The following IMMP2L variants were observed in gnomAD, a reference collection of about 807,000 sequenced individuals.
IMMP2L encodes mitochondrial inner membrane protease subunit 2.
In IMMP2L, 18 loss-of-function variants were observed where a neutral mutation model predicts 19.3. The ratio of observed to expected loss-of-function variants is 0.93; its 90% CI spans 0.64 to 1.38. The LOEUF (loss-of-function observed/expected upper bound fraction) is 1.38. IMMP2L is among the 40% of genes most tolerant of loss of function. The pLI, the probability that IMMP2L is intolerant of heterozygous loss-of-function variation, is 0.00. For missense variants in IMMP2L, 233 were observed against 218.2 expected (o/e 1.07, Z -0.43); for synonymous variants, 76 against 73.0 (o/e 1.04, Z -0.21).
At chr7:111,276,871 G>T (rs1032062424) in intron 3 of IMMP2L, among the ~76,000 whole-genome samples, 1 of 152,026 alleles carries the variant, frequency 6.6e-6, no homozygotes, top group African/African-American at 2.4e-5. Context: ...TGGGGAAAAT[G>T]CCACCTTATT....
intron 3 of IMMP2L, among the ~76,000 whole-genome samples, chr7:111,169,019 C>T (rs907269130): frequency 3.3e-5 from 5 of 151,500 alleles, no homozygotes; most frequent in African/African-American, 1.2e-4. Flanking sequence ...TTAAGGGGCC[C>T]TTACCCGATT....
chr7:110,769,342 C>T (rs1359620471), intron 5 of IMMP2L, among the ~76,000 whole-genome samples: 2 of 152,170 alleles, frequency 1.3e-5, no homozygotes, highest in African/African-American at 4.8e-5. Context: ...GTACAGAGAA[C>T]ACACATGCTG....
intron 5 of IMMP2L, among the ~76,000 whole-genome samples, chr7:110,858,590 AC>A (rs1317943011): frequency 1.3e-5 from 2 of 151,954 alleles, no homozygotes; most frequent in African/African-American, 4.8e-5. Context: ...ATTTTAAAGA[AC>A]TTTATTTTAT....
chr7:111,043,549 G>T (rs1792096196), intron 3 of IMMP2L, among the ~76,000 whole-genome samples: 1 of 151,970 alleles, frequency 6.6e-6, no homozygotes, highest in African/African-American at 2.4e-5. Flanking sequence ...TTTTCTTTAG[G>T]TACAAATTCA....
intron 3 of IMMP2L, among the ~76,000 whole-genome samples, chr7:111,219,630 A>G (rs1258880978): frequency 6.6e-6 from 1 of 152,026 alleles, no homozygotes; most frequent in Non-Finnish European, 1.5e-5. Context: ...AAATAATGAA[A>G]TCACATCTAA....
chr7:110,858,243 A>G (rs1807009920), intron 5 of IMMP2L, among the ~76,000 whole-genome samples: 1 of 152,114 alleles, frequency 6.6e-6, no homozygotes, highest in Admixed American at 6.6e-5. Context: ...GTCATCATCC[A>G]TATCCATTTG....
chr7:110,798,083 C>T (rs186375046), intron 5 of IMMP2L, among the ~76,000 whole-genome samples: 59 of 151,832 alleles, frequency 3.9e-4, no homozygotes, highest in Admixed American at 1.8e-3. Flanking sequence ...AATCTTACAG[C>T]GGTCATATAG....
chr7:110,837,942 C>A (rs968191856), intron 5 of IMMP2L, among the ~76,000 whole-genome samples: 1 of 152,022 alleles, frequency 6.6e-6, no homozygotes, highest in Admixed American at 6.6e-5. Context: ...ATTGAGAAAC[C>A]AAAGACTATG....
chr7:110,992,865 G>A (rs927049849), intron 3 of IMMP2L, among the ~76,000 whole-genome samples: 4 of 152,096 alleles, frequency 2.6e-5, no homozygotes, highest in African/African-American at 9.7e-5. Flanking sequence ...TAGGCCACTT[G>A]TATTCAGTCC....
chr7:111,523,895 G>A (rs1405328839), intron 1 of IMMP2L, among the ~76,000 whole-genome samples: 2 of 152,026 alleles, frequency 1.3e-5, no homozygotes, highest in East Asian at 3.9e-4. Context: ...TTTAATGTGA[G>A]CCCTTGAGTG....
chr7:111,109,160 T>C (rs1798889260), intron 3 of IMMP2L, among the ~76,000 whole-genome samples: 1 of 152,106 alleles, frequency 6.6e-6, no homozygotes, highest in Non-Finnish European at 1.5e-5. Flanking sequence ...AAGACCAAAT[T>C]AAAGAACAAA....
At chr7:111,442,330 G>A (rs1837828540) in intron 3 of IMMP2L, among the ~76,000 whole-genome samples, 1 of 151,794 alleles carries the variant, frequency 6.6e-6, no homozygotes, top group East Asian at 1.9e-4. Flanking sequence ...GGAACTGTAG[G>A]AAGTTATAGC....
chr7:111,501,467 A>C (rs1353845313), intron 2 of IMMP2L, among the ~76,000 whole-genome samples: 1 of 152,180 alleles, frequency 6.6e-6, no homozygotes, highest in African/African-American at 2.4e-5. Context: ...CAGGAAATAC[A>C]GAGAACGCCA....
At chr7:111,231,031 TG>T (rs1813658914) in intron 3 of IMMP2L, among the ~76,000 whole-genome samples, 2 of 149,766 alleles carry the variant, frequency 1.3e-5, no homozygotes, top group African/African-American at 5.0e-5. Context: ...TGGCTGTGTG[TG>T]TGTGTGTGTG....
At chr7:111,225,739 G>A (rs1392318675) in intron 3 of IMMP2L, among the ~76,000 whole-genome samples, 1 of 150,614 alleles carries the variant, frequency 6.6e-6, no homozygotes, top group African/African-American at 2.4e-5. Flanking sequence ...GTGATGGAGT[G>A]CAAAGTAAAT....
intron 5 of IMMP2L, among the ~76,000 whole-genome samples, chr7:110,730,521 CTTTTCT>C (rs1796191671): frequency 1.3e-5 from 2 of 151,506 alleles, no homozygotes; most frequent in South Asian, 4.2e-4. Context: ...GCTTTCTTTC[CTTTTCT>C]TTTTCTTTTT....
At chr7:111,469,158 C>G (rs903723679) in intron 3 of IMMP2L, among the ~76,000 whole-genome samples, 1 of 152,162 alleles carries the variant, frequency 6.6e-6, no homozygotes, top group East Asian at 1.9e-4. Context: ...GTTACTGTAG[C>G]CTTGTAGTAT....
At chr7:111,200,439 C>A (rs1032882419) in intron 3 of IMMP2L, among the ~76,000 whole-genome samples, 7 of 151,998 alleles carry the variant, frequency 4.6e-5, no homozygotes, top group African/African-American at 1.7e-4. Context: ...GTTTGCCCAA[C>A]AGTAGGGATT....
chr7:111,435,957 C>T (rs1454550108), intron 3 of IMMP2L, among the ~76,000 whole-genome samples: 2 of 151,814 alleles, frequency 1.3e-5, no homozygotes, highest in East Asian at 1.9e-4. Context: ...CCTCCGCATA[C>T]TTCCTCTCTC....
Sources: gnomAD v4.1 joint callset for allele counts (sites outside exome capture counted in the v4.1 genomes callset) on GRCh38, gnomAD v4.1.1 for gene constraint, MANE v1.5 for transcripts, NCBI Gene and HGNC (gene_info 2026-07-23, HGNC 2026-07-21) for gene names.